The following AARS2 variants were observed in gnomAD, a reference collection of about 807,000 sequenced individuals.
AARS2 encodes the protein alanyl-tRNA synthetase 2, mitochondrial, also known as alanine--tRNA ligase, mitochondrial.
AARS2 carries 78 observed loss-of-function variants against 119.7 expected under a neutral mutation model. The observed-to-expected ratio is 0.65, with a 90% CI of 0.54 to 0.79. The LOEUF is 0.79. Ranked by LOEUF, AARS2 falls within the 30% of genes least tolerant of loss-of-function variation. The pLI, the probability that AARS2 is intolerant of heterozygous loss-of-function variation, is 0.00. For missense variants in AARS2, 1,157 were observed against 1,291.3 expected, an observed-to-expected ratio of 0.90 and a Z score of 1.59; for synonymous variants, 502 against 526.3, an observed-to-expected ratio of 0.95 and a Z score of 0.63.
Position 44,302,942 on chromosome 6 carries a change from G to A in AARS2, c.2256-32C>T, listed in dbSNP as rs373822345. On this transcript the variant is annotated intron_variant, in intron 16 of 21. Transcript: ENST00000244571. The stretch of plus-strand genomic sequence containing the variant: ...GAGGAAGGAGTGAACAGAAAGTCGG[G>A]GCATGACAGTAGAGAAGGGAGAAGC... 5.0e-6 allele frequency: 8 copies of A among 1,609,212 alleles called. No individual in the cohort carries two copies. The African/African-American group carries it at 6.7e-5, about 13-fold the overall frequency.
intron 5 of AARS2, among the ~76,000 whole-genome samples, chr6:44,310,083 G>A (rs757684429): frequency 2.6e-5 from 4 of 152,106 alleles, no homozygotes; most frequent in Non-Finnish European, 5.9e-5. Context: ...CACTCAACAC[G>A]TATTTTCTAA....
In AARS2 at chr6:44,306,950, G is replaced by C; in HGVS notation, c.1122C>G (p.Ser374Arg). ...ILKAPPGFLG[S>R]LVPVVVETLG... ...GTGTCTCCACCACTACAGGTACCAG[G>C]CTGCCTAGGAAGCCAGGTGGTGCCT... The change falls in exon 7 of 22, where the codon AGC becomes AGG. Residue 374 changes from serine (S) to arginine (R), a missense_variant. Coordinates refer to ENST00000244571, the MANE Select transcript of AARS2 (RefSeq NM_020745.4). The C allele has an allele frequency of 6.2e-7, 1 of 1,614,054 alleles. No individual in the cohort carries two copies. The highest frequency in any genetic ancestry group is 8.5e-7 in the Non-Finnish European group (1 of 1,179,976).
At chr6:44,312,315 G>A in intron 1 of AARS2, 52 bp from the exon 2 acceptor site, 1 of 1,567,190 alleles carries the variant, frequency 6.4e-7, no homozygotes, top group Middle Eastern at 1.9e-4. Context: ...TTTCTCAGTA[G>A]AAGGGAAATG....
intron 3 of AARS2, 72 bp downstream of exon 3, chr6:44,311,318 T>C (rs564965651): frequency 2.3e-5 from 37 of 1,607,970 alleles, no homozygotes; most frequent in Non-Finnish European, 2.6e-5. Flanking sequence ...ACTCTGAGGA[T>C]TGGTGCTGGT....
intron 19 of AARS2, 66 bp from the exon 20 acceptor site, chr6:44,301,530 T>C: frequency 6.9e-7 from 1 of 1,443,764 alleles, no homozygotes; most frequent in Non-Finnish European, 9.7e-7. Flanking sequence ...AGCCCCAACT[T>C]CTGAACTAAG....
In AARS2 at chr6:44,312,182, C is replaced by A. The variant is rs747882284; in HGVS notation, c.325G>T (p.Val109Leu). The A allele has an allele frequency of 3.1e-6, 5 of 1,614,146 alleles. No homozygotes were observed. In the African/African-American group the frequency reaches 5.3e-5, roughly 17 times the overall value. ...TCGTTATGGTGTCCTCCAGCTCTCA[C>A]ACATTTCTGGCTGTTGGCCACACGT... Reference protein sequence around the residue: ...FRRVANSQKCVRAGGHHNDLE... With the variant: ...FRRVANSQKCLRAGGHHNDLE... The change falls in exon 2 of 22, where the codon GTG (valine) becomes TTG (leucine). Residue 109 changes from valine to leucine, a missense_variant. Physicochemically the swap from Val to Leu is conservative, Grantham distance 32 (BLOSUM62 1). Coordinates refer to ENST00000244571, the MANE Select transcript of AARS2 (RefSeq NM_020745.4).
In AARS2 at chr6:44,307,040, G is replaced by T. The variant is rs1205298105; in HGVS notation, c.1041-9C>A. On this transcript the variant is annotated splice_polypyrimidine_tract_variant and intron_variant, in intron 6 of 21. Transcript: ENST00000244571. The surrounding 1 kb of genome is among the most constrained non-coding windows in gnomAD (Gnocchi z 4.4). ...TCCGACGAAGAACCAGCCTAAAGGG[G>T]TTCAGAGCCCAGACATGAATCCCCA... 6.2e-7 allele frequency: 1 copy of T among 1,613,974 alleles called. No homozygotes were observed. The highest frequency in any genetic ancestry group is 8.5e-7 in the Non-Finnish European group (1 of 1,179,898).
At position 44,299,452 on chromosome 6, in the gene AARS2, G is replaced by A. The variant is rs1035808223; in HGVS notation, c.*1095C>T. On this transcript the variant is annotated 3_prime_UTR_variant, in exon 22 of 22. Transcript: ENST00000244571. The stretch of plus-strand genomic sequence containing the variant: ...AAGATTACTTTTTTTTTTTTTTGTA[G>A]ACAGGGTCTTGCTGTTTGCGCAGGC... Among the ~76,000 whole-genome samples, 12 of 149,286 alleles carry A rather than the reference G, an allele frequency of 8.0e-5. No homozygotes were observed. Among genetic ancestry groups the A allele is most frequent in the South Asian group, 2.1e-4 (1 of 4,740 alleles).
rs1422541538 is a variant in AARS2 at position 44,305,549 on chromosome 6, C to G, written c.1434+104G>C. 8 of 1,561,714 alleles carry G rather than the reference C, an allele frequency of 5.1e-6. No individual in the cohort carries two copies. The highest frequency in any genetic ancestry group is 7.0e-6 in the Non-Finnish European group (8 of 1,138,012). On this transcript the variant is annotated intron_variant, in intron 10 of 21. Transcript: ENST00000244571. The surrounding 1 kb of genome is among the most constrained non-coding windows in gnomAD (Gnocchi z 4.6). ...CCAGGTGAGGGGACAGATCCTATCT[C>G]AGCCTCTTGATTCCTCTCAATATTC... is the stretch of plus-strand genomic sequence containing the variant.
intron 1 of AARS2, 130 bp from the exon 2 acceptor site, chr6:44,312,393 T>A: frequency 1.1e-6 from 1 of 930,432 alleles, no homozygotes; most frequent in Non-Finnish European, 1.6e-6. Context: ...TGCAGTGTAA[T>A]CTTGGTCTAT....
In AARS2 at chr6:44,307,929, C is replaced by A. The variant is rs1468734888; in HGVS notation, c.895-535G>T. Among the ~76,000 whole-genome samples the A allele has an allele frequency of 6.6e-6, 1 of 152,196 alleles. No homozygotes were observed. Among genetic ancestry groups the A allele is most frequent in the Non-Finnish European group, 1.5e-5 (1 of 68,036 alleles). On this transcript the variant is annotated intron_variant, in intron 5 of 21. Coordinates refer to ENST00000244571, the MANE Select transcript of AARS2 (RefSeq NM_020745.4). The surrounding 1 kb of genome is among the most constrained non-coding windows in gnomAD (Gnocchi z 4.4). ...AAAGCAGGGAGCTTGATTCACTTAC[C>A]ACCAAACCTCTCTCTTCCCCAAGCT...
At position 44,307,586 on chromosome 6, in the gene AARS2, G is replaced by T; in HGVS notation, c.895-192C>A. 1 of 671,114 alleles carries T rather than the reference G, an allele frequency of 1.5e-6. No homozygotes were observed. Among genetic ancestry groups the T allele is most frequent in the Non-Finnish European group, 2.5e-6 (1 of 396,032 alleles). The allele number at this position is 671,114 out of a possible 1,614,324, so 41.6% of individuals were successfully genotyped here. A position where few individuals can be genotyped will look rare whatever the true frequency, so the allele number is the denominator to read the frequency against. On this transcript the variant is annotated intron_variant, in intron 5 of 21. Transcript: ENST00000244571. This position sits in a 1 kb window ranked among gnomAD's most constrained non-coding sequence, Gnocchi z 4.4. ...CCCTGCCCTCACGGGGCTCATATTT[G>T]GTGCTACAAGTGAACATATCTGTGA...
chr6:44,306,384 T>C lies in AARS2; in HGVS notation c.1196A>G (p.Asn399Ser), dbSNP rs113433939. ...GGCTGCCTCGTCCTCTGACACCAGG[T>C]TGGCGATCTGAACCAGGCAGAGAAG... ...ELQRNSAQIA[N>S]LVSEDEAAFL... Residue 399 changes from asparagine to serine, a missense_variant, in exon 9 of 22, where the codon AAC (asparagine) becomes AGC (serine). Coordinates refer to ENST00000244571, the MANE Select transcript of AARS2 (RefSeq NM_020745.4). 2,980 of 1,614,078 alleles carry C rather than the reference T, an allele frequency of 1.8e-3. 33 individuals carry two copies. In the African/African-American group the frequency reaches 0.035, roughly 19 times the overall value.
chr6:44,299,213 T>C lies in AARS2; in HGVS notation c.*1334A>G, dbSNP rs765715481. Among the ~76,000 whole-genome samples, 1 of 151,844 alleles carries C rather than the reference T, an allele frequency of 6.6e-6. No homozygotes were observed. Among genetic ancestry groups the C allele is most frequent in the African/African-American group, 2.4e-5 (1 of 41,348 alleles). ...TCACCATCCACACTCCTGATCCCCA[T>C]TCTCTATTTCCCCCCCAGACCTCAT... is the stretch of plus-strand genomic sequence containing the variant. On this transcript the variant is annotated 3_prime_UTR_variant, in exon 22 of 22. Transcript: ENST00000244571.
Position 44,306,917 on chromosome 6 carries a change from C to G in AARS2, c.1149+6G>C. The G allele has an allele frequency of 6.2e-7, 1 of 1,613,256 alleles. No homozygotes were observed. Among genetic ancestry groups the G allele is most frequent in the Non-Finnish European group, 8.5e-7 (1 of 1,179,268 alleles). On this transcript the variant is annotated splice_donor_region_variant and intron_variant, in intron 7 of 21. Transcript: ENST00000244571. ...GCCCAGAGTGAAAAAGAAGCTCTGT[C>G]CTTACCAGTGTCTCCACCACTACAG...
chr6:44,310,429 C>T lies in AARS2; in HGVS notation c.764G>A (p.Ser255Asn). 6.2e-7 allele frequency: 1 copy of T among 1,613,768 alleles called. No individual in the cohort carries two copies. Among genetic ancestry groups the T allele is most frequent in the Non-Finnish European group, 8.5e-7 (1 of 1,179,924 alleles). The change falls in exon 5 of 22, where the codon AGC becomes AAC. Residue 255 changes from serine (S) to asparagine (N), a missense_variant. Transcript: ENST00000244571. ...ATGCCGCTGGGGCAGGGGCTGCAGG[C>T]TTCCATCTGCCTCTCTGGCCAGGGA... is the stretch of plus-strand genomic sequence containing the variant. ...FMQHNREADG[S>N]LQPLPQRHVD...
At position 44,312,135 on chromosome 6, in the gene AARS2, G is replaced by T. The variant is rs766602929; in HGVS notation, c.372C>A (p.Asp124Glu). 1.9e-6 allele frequency: 3 copies of T among 1,614,112 alleles called. No homozygotes were observed. The highest frequency in any genetic ancestry group is 1.3e-5 in the African/African-American group (1 of 74,932). ...TTTCAAAGAAGGTATGATGGGAAAG[G>T]TCTCGACCCACATCTTCCAGGTCGT... ...HHNDLEDVGRDLSHHTFFEML... is the reference protein window; with the variant it reads ...HHNDLEDVGRELSHHTFFEML... Residue 124 changes from aspartate to glutamate, a missense_variant, in exon 2 of 22, where the codon GAC (aspartate) becomes GAA (glutamate). Asp to Glu is a conservative substitution (Grantham distance 45). Coordinates refer to ENST00000244571, the MANE Select transcript of AARS2 (RefSeq NM_020745.4).
chr6:44,310,586 C>T lies in AARS2; in HGVS notation c.750-143G>A, dbSNP rs532144955. The T allele has an allele frequency of 8.5e-4, 931 of 1,099,484 alleles. 1 individual carries two copies. Among genetic ancestry groups the T allele is most frequent in the Middle Eastern group, 1.5e-3 (5 of 3,426 alleles). The allele number at this position is 1,099,484 out of a possible 1,614,324, so 68.1% of individuals were successfully genotyped here. ...AGACAATCAGTATCTTCCCCTGCCA[C>T]CCTGCAATAGCAGATGATGATGGCC... is the stretch of plus-strand genomic sequence containing the variant. On this transcript the variant is annotated intron_variant, in intron 4 of 21. Coordinates refer to ENST00000244571, the MANE Select transcript of AARS2 (RefSeq NM_020745.4).
rs993704976 is a variant in AARS2 at position 44,302,991 on chromosome 6, C to G, written c.2255+75G>C. 1.9e-6 allele frequency: 3 copies of G among 1,604,450 alleles called. No individual in the cohort carries two copies. The African/African-American group carries it at 4.0e-5, about 21-fold the overall frequency. ...GCCAGCGTGCATCTCCCATTAAGGGCTGATGGCTCCAAAGACCAAGGGAAG... is the reference window on the plus strand; with the variant it reads ...GCCAGCGTGCATCTCCCATTAAGGGGTGATGGCTCCAAAGACCAAGGGAAG... On this transcript the variant is annotated intron_variant, in intron 16 of 21. Coordinates refer to ENST00000244571, the MANE Select transcript of AARS2 (RefSeq NM_020745.4).
Sources: allele counts gnomAD v4.1 joint callset (sites outside exome capture counted in the v4.1 genomes callset), GRCh38; gene constraint gnomAD v4.1.1; non-coding constraint Gnocchi (gnomAD v3.1); transcripts MANE v1.5; gene names NCBI Gene and HGNC (gene_info 2026-07-23, HGNC 2026-07-21).